The following CELF2 variants were observed in gnomAD, a reference collection of about 807,000 sequenced individuals.
CELF2 encodes CUG triplet repeat RNA-binding protein 2.
CELF2 carries 8 observed loss-of-function variants against 62.6 expected under a neutral mutation model. That is an observed-to-expected ratio of 0.13 (90% CI 0.07 to 0.23). CELF2 has a LOEUF of 0.23. Ranked by LOEUF, CELF2 falls within the 10% of genes least tolerant of loss-of-function variation. The pLI, the probability that CELF2 is intolerant of heterozygous loss-of-function variation, is 1.00. For missense variants in CELF2, 333 were observed against 671.0 expected (o/e 0.50, Z 5.56); for synonymous variants, 258 against 250.0 (o/e 1.03, Z -0.30).
intron 2 of CELF2, among the ~76,000 whole-genome samples, chr10:11,213,282 C>A (rs2062414392): frequency 6.6e-6 from 1 of 152,214 alleles, no homozygotes; most frequent in Non-Finnish European, 1.5e-5. Context: ...GAAACAGAGC[C>A]TGCAGGGGAG....
At chr10:10,684,569 C>A in the CELF2 span, among the ~76,000 whole-genome samples, 1 of 151,980 alleles carries the variant, frequency 6.6e-6, no homozygotes, top group African/African-American at 2.4e-5. Flanking sequence ...ATGATGTGAC[C>A]CCCATCTCTA....
chr10:10,712,739 C>T, the CELF2 span, among the ~76,000 whole-genome samples: 6 of 152,262 alleles, frequency 3.9e-5, no homozygotes, highest in East Asian at 1.2e-3. Context: ...CTCATGCCTC[C>T]ATCATCTCTC....
At chr10:10,501,677 A>G in the CELF2 span, among the ~76,000 whole-genome samples, 1 of 152,154 alleles carries the variant, frequency 6.6e-6, no homozygotes, top group Non-Finnish European at 1.5e-5. Context: ...CACTAATTCT[A>G]GGAGTTTTCC....
chr10:10,743,216 T>C, the CELF2 span, among the ~76,000 whole-genome samples: 1 of 152,234 alleles, frequency 6.6e-6, no homozygotes, highest in Admixed American at 6.5e-5. Flanking sequence ...AAATCATACA[T>C]GGATGCTCAC....
At chr10:11,213,154 C>G (rs925705107) in intron 2 of CELF2, among the ~76,000 whole-genome samples, 4 of 152,174 alleles carry the variant, frequency 2.6e-5, no homozygotes, top group African/African-American at 7.2e-5. Flanking sequence ...GTGGGTTTCC[C>G]AGAATGAATT....
chr10:11,151,134 C>G (rs554129580), intron 1 of CELF2, among the ~76,000 whole-genome samples: 1 of 152,300 alleles, frequency 6.6e-6, no homozygotes, highest in South Asian at 2.1e-4. Flanking sequence ...TTTCCCCACC[C>G]AGTTTTTAGT....
intron 2 of CELF2, among the ~76,000 whole-genome samples, chr10:10,929,387 A>G (rs941569757): frequency 6.6e-6 from 1 of 152,358 alleles, no homozygotes; most frequent in East Asian, 1.9e-4. Context: ...ATTTAGCTCA[A>G]TGCCTGCCAC....
At chr10:10,858,102 C>T (rs375935272) in intron 1 of CELF2, among the ~76,000 whole-genome samples, 3 of 152,020 alleles carry the variant, frequency 2.0e-5, no homozygotes, top group African/African-American at 4.8e-5. Context: ...TGGCTTTAAA[C>T]GTGATTTAGA....
At chr10:10,868,650 C>T (rs547604996) in intron 1 of CELF2, among the ~76,000 whole-genome samples, 10 of 152,306 alleles carry the variant, frequency 6.6e-5, no homozygotes, top group Middle Eastern at 6.8e-3. Flanking sequence ...TCTGCCACTG[C>T]GGAAACTCTC....
intron 8 of CELF2, among the ~76,000 whole-genome samples, chr10:11,282,781 G>T (rs1191498465): frequency 6.6e-6 from 1 of 152,206 alleles, no homozygotes; most frequent in Admixed American, 6.5e-5. Flanking sequence ...TTTCAGCCCG[G>T]GTCATGTGAG....
intron 2 of CELF2, among the ~76,000 whole-genome samples, chr10:11,213,656 A>G (rs1329749890): frequency 1.3e-5 from 2 of 152,242 alleles, no homozygotes; most frequent in Admixed American, 1.3e-4. Context: ...GTTAACTAGG[A>G]GAAACTCATA....
At chr10:11,108,418 C>T (rs2054242953) in intron 1 of CELF2, among the ~76,000 whole-genome samples, 1 of 151,500 alleles carries the variant, frequency 6.6e-6, no homozygotes, top group South Asian at 2.1e-4. Context: ...GCATCTTACT[C>T]CTTGCTTCTG....
In CELF2 at chr10:11,334,192, T is replaced by C. The variant is rs2096078209; in HGVS notation, c.*5139T>C. The C allele has an allele frequency of 6.6e-6, 1 of 152,656 alleles. No individual in the cohort carries two copies. Among genetic ancestry groups the C allele is most frequent in the Non-Finnish European group, 1.5e-5 (1 of 68,046 alleles). The allele number at this position is 152,656 out of a possible 1,614,324, so 9.5% of individuals were successfully genotyped here. On this transcript the variant is annotated 3_prime_UTR_variant, in exon 13 of 13. Transcript: ENST00000633077. ...GTGGATAAATGTATTAGTTAAAACT[T>C]TAGGGTTTGCTTTTTTGCTGTTTAG...
the CELF2 span, among the ~76,000 whole-genome samples, chr10:10,472,596 C>T: frequency 1.3e-5 from 2 of 151,726 alleles, no homozygotes; most frequent in African/African-American, 4.8e-5. Context: ...TGTTTATGGC[C>T]CATACTTTCC....
the CELF2 span, among the ~76,000 whole-genome samples, chr10:10,485,271 G>A: frequency 6.6e-6 from 1 of 152,134 alleles, no homozygotes; most frequent in Admixed American, 6.5e-5. Flanking sequence ...GCAATTAGAA[G>A]GCGTGATCGT....
At chr10:10,512,147 T>A in the CELF2 span, among the ~76,000 whole-genome samples, 1 of 152,120 alleles carries the variant, frequency 6.6e-6, no homozygotes, top group Non-Finnish European at 1.5e-5. Context: ...AGGGTATAAA[T>A]GAAACAAGCA....
At chr10:10,907,736 G>A (rs2063463268) in intron 1 of CELF2, among the ~76,000 whole-genome samples, 1 of 151,958 alleles carries the variant, frequency 6.6e-6, no homozygotes, top group African/African-American at 2.4e-5. Flanking sequence ...TCTGGGGTTG[G>A]TTCAAAATTC....
the CELF2 span, among the ~76,000 whole-genome samples, chr10:10,517,201 C>T: frequency 6.6e-6 from 1 of 152,144 alleles, no homozygotes; most frequent in Non-Finnish European, 1.5e-5. Flanking sequence ...TAGGGTTATT[C>T]TGCATTCAAT....
At chr10:10,512,487 A>T in the CELF2 span, among the ~76,000 whole-genome samples, 5 of 148,656 alleles carry the variant, frequency 3.4e-5, no homozygotes, top group African/African-American at 1.2e-4. Flanking sequence ...GCTCACTGCA[A>T]CCTCCGCCTC....
Sources: gnomAD v4.1 joint callset for allele counts (sites outside exome capture counted in the v4.1 genomes callset) on GRCh38, gnomAD v4.1.1 for gene constraint, MANE v1.5 for transcripts, NCBI Gene and HGNC (gene_info 2026-07-23, HGNC 2026-07-21) for gene names.